Variants in RPS6KA2 observed in about 807,000 individuals in gnomAD.
The protein encoded by RPS6KA2 is ribosomal protein S6 kinase A2, also known as ribosomal protein S6 kinase alpha-2.
Under a neutral mutation model 91.8 loss-of-function variants are expected in RPS6KA2, and 42 were observed. That is an observed-to-expected ratio of 0.46 (90% CI 0.36 to 0.59). The LOEUF is 0.59. RPS6KA2 is among the 20% of genes least tolerant of loss of function. The pLI is 0.00. For missense variants in RPS6KA2, 798 were observed against 978.5 expected (o/e 0.82, Z 2.46); for synonymous variants, 414 against 393.6 (o/e 1.05, Z -0.61).
rs535937544 is a variant in RPS6KA2 at position 166,676,410 on chromosome 6, C to T, written c.124-137626G>A. 1.1e-4 allele frequency among the ~76,000 whole-genome samples: 16 copies of T among 152,274 alleles called. 1 individual carries two copies. In the East Asian group the frequency reaches 2.1e-3, roughly 20 times the overall value. ...CTGAAGGGCTGGCCCTGCCCCAGGC[C>T]GGTCTCCCCTAGAAAGTGTGGCCGG... On this transcript the variant is annotated intron_variant, in intron 2 of 21. Coordinates refer to the RPS6KA2 transcript ENST00000503859.
At chr6:166,466,707 CTCATTCATTCACTGAT>C (rs1266589566) in intron 11 of RPS6KA2, among the ~76,000 whole-genome samples, 1 of 152,260 alleles carries the variant, frequency 6.6e-6, no homozygotes, top group Non-Finnish European at 1.5e-5. Context: ...GAGAGTCTCA[CTCATTCATTCACTGAT>C]TCATTCACTG....
intron 2 of RPS6KA2, among the ~76,000 whole-genome samples, chr6:166,652,520 G>T (rs917929703): frequency 1.3e-5 from 2 of 152,022 alleles, no homozygotes; most frequent in Non-Finnish European, 2.9e-5. Context: ...ACCATGAACT[G>T]GACACGTTTC....
chr6:166,549,015 G>T (rs192981825), intron 1 of RPS6KA2, among the ~76,000 whole-genome samples: 3 of 152,178 alleles, frequency 2.0e-5, no homozygotes, highest in Non-Finnish European at 4.4e-5. Flanking sequence ...GAAAATGGGG[G>T]AGACAAGCAG....
chr6:166,427,341 T>G (rs921628617), intron 16 of RPS6KA2, among the ~76,000 whole-genome samples: 7 of 152,254 alleles, frequency 4.6e-5, no homozygotes, highest in Middle Eastern at 3.4e-3. Context: ...CCACAGCCAA[T>G]ATCATACTGA....
At chr6:166,599,322 C>T (rs1785648948) in intron 1 of RPS6KA2, among the ~76,000 whole-genome samples, 1 of 152,116 alleles carries the variant, frequency 6.6e-6, no homozygotes. Context: ...GATGAGGTTA[C>T]CAGATGGGTA....
At chr6:166,461,519 ATGGG>A (rs140945011) in intron 11 of RPS6KA2, among the ~76,000 whole-genome samples, 4 of 54,170 alleles carry the variant, frequency 7.4e-5, no homozygotes, top group Non-Finnish European at 1.4e-4. Context: ...AGAGAGAGAG[ATGGG>A]GAGAGATGGG....
intron 1 of RPS6KA2, among the ~76,000 whole-genome samples, chr6:166,610,724 T>C (rs1331691766): frequency 6.6e-6 from 1 of 152,246 alleles, no homozygotes; most frequent in Non-Finnish European, 1.5e-5. Flanking sequence ...TGGAAAGTAG[T>C]GGTAAAGAAA....
At chr6:166,862,375 CG>C (rs1005995568) in exon 1 of RPS6KA2, 12 of 1,406,686 alleles carry the variant, frequency 8.5e-6, no homozygotes, top group African/African-American at 1.5e-5. Flanking sequence ...AGGAGGGACC[CG>C]GGGGGCTGCA....
At chr6:166,570,920 C>T (rs903172638) in intron 1 of RPS6KA2, among the ~76,000 whole-genome samples, 1 of 152,156 alleles carries the variant, frequency 6.6e-6, no homozygotes, top group Non-Finnish European at 1.5e-5. Flanking sequence ...CAGTTTAAAT[C>T]CAAATTTTAA....
chr6:166,450,516 AGGGACCACCCCAGGGAACACCATG>A (rs1359370751), intron 13 of RPS6KA2, among the ~76,000 whole-genome samples: 4 of 144,704 alleles, frequency 2.8e-5, no homozygotes, highest in African/African-American at 1.0e-4. Context: ...GGACCACCAG[AGGGACCACCCCAGGGAACACCATG>A]GGGACCACCA....
rs968057826 is a variant in RPS6KA2 at position 166,490,623 on chromosome 6, T to A, written c.818+48A>T. 2 of 1,279,350 alleles carry A rather than the reference T, an allele frequency of 1.6e-6. No individual in the cohort carries two copies. Among genetic ancestry groups the A allele is most frequent in the African/African-American group, 2.9e-5 (2 of 67,852 alleles). 79.2% of individuals were successfully genotyped at this position (1,279,350 alleles called of 1,614,324 possible). A position where few individuals can be genotyped will look rare whatever the true frequency, so the allele number is the denominator to read the frequency against. On this transcript the variant is annotated intron_variant, in intron 9 of 20. Coordinates refer to ENST00000265678, the MANE Select transcript of RPS6KA2 (RefSeq NM_021135.6). This position sits in a 1 kb window ranked among gnomAD's most constrained non-coding sequence, Gnocchi z 4.2. The stretch of plus-strand genomic sequence containing the variant: ...CAGGTTCAGAGGCAGCAGCTCTTGA[T>A]ATCAGAAGGTGCTCGCAGGTCTCTG...
intron 3 of RPS6KA2, among the ~76,000 whole-genome samples, chr6:166,527,312 G>A (rs1783090477): frequency 6.6e-6 from 1 of 152,270 alleles, no homozygotes; most frequent in East Asian, 1.9e-4. Flanking sequence ...AGGAGAAAAG[G>A]AGCTCTTCCG....
intron 13 of RPS6KA2, 110 bp downstream of exon 13, chr6:166,450,993 C>T (rs1181521405): frequency 1.5e-6 from 2 of 1,310,600 alleles, no homozygotes; most frequent in East Asian, 2.3e-5. Context: ...TTAAAGTCCA[C>T]CCATCCTAAG....
chr6:166,456,557 C>G (rs1408477511), intron 12 of RPS6KA2, among the ~76,000 whole-genome samples: 1 of 152,186 alleles, frequency 6.6e-6, no homozygotes, highest in Non-Finnish European at 1.5e-5. Context: ...GGAATAGAAA[C>G]CAGCTTGAGC....
At chr6:166,780,446 C>T (rs1184365926) in intron 2 of RPS6KA2, among the ~76,000 whole-genome samples, 1 of 152,172 alleles carries the variant, frequency 6.6e-6, no homozygotes, top group Non-Finnish European at 1.5e-5. Flanking sequence ...CCAGCGGGAG[C>T]CAGGCCTGCG....
At chr6:166,768,622 G>C (rs1778385322) in intron 2 of RPS6KA2, among the ~76,000 whole-genome samples, 1 of 152,086 alleles carries the variant, frequency 6.6e-6, no homozygotes, top group Non-Finnish European at 1.5e-5. Flanking sequence ...AGTAGGGAGG[G>C]AGAGAGAGAG....
At chr6:166,830,142 GAAAGAAAGA>G in intron 2 of RPS6KA2, among the ~76,000 whole-genome samples, 1 of 21,406 alleles carries the variant, frequency 4.7e-5, no homozygotes, top group South Asian at 9.6e-4. Context: ...AAAAAAAAAA[GAAAGAAAGA>G]AAGAAAGAAA....
At position 166,600,861 on chromosome 6, in the gene RPS6KA2, T is replaced by A. The variant is rs3799588; in HGVS notation, c.99+26060A>T. On this transcript the variant is annotated intron_variant, in intron 1 of 20. Coordinates refer to ENST00000265678, the MANE Select transcript of RPS6KA2 (RefSeq NM_021135.6). The stretch of plus-strand genomic sequence containing the variant: ...TGGTCTTATCAAAATCAGTAGGAAA[T>A]TAAATTTTAAACTCAGTCATTCTTA... Among the ~76,000 whole-genome samples, 20 of 152,346 alleles carry A rather than the reference T, an allele frequency of 1.3e-4. No homozygotes were observed. The East Asian group carries it at 3.7e-3, about 28-fold the overall frequency.
chr6:166,617,655 CCTA>C (rs2128537948), intron 1 of RPS6KA2, among the ~76,000 whole-genome samples: 1 of 152,356 alleles, frequency 6.6e-6, no homozygotes, highest in East Asian at 1.9e-4. Context: ...ACACCCAAGT[CCTA>C]CTGATAATTT....
Sources: gnomAD v4.1 joint callset for allele counts (sites outside exome capture counted in the v4.1 genomes callset) on GRCh38, gnomAD v4.1.1 for gene constraint, Gnocchi (gnomAD v3.1) non-coding constraint, MANE v1.5 for transcripts, NCBI Gene and HGNC (gene_info 2026-07-23, HGNC 2026-07-21) for gene names.